Variants in CAPN14 observed in about 807,000 individuals in gnomAD.
The protein encoded by CAPN14 is calpain-14.
In CAPN14, 94 loss-of-function variants were observed where a neutral mutation model predicts 101.3. That is an observed-to-expected ratio of 0.93 (90% confidence interval 0.79 to 1.10). The LOEUF is 1.10. Ranked by LOEUF, CAPN14 falls within the 50% of genes least tolerant of loss-of-function variation. CAPN14 has a pLI of 0.00. For missense variants in CAPN14, 837 were observed against 828.4 expected (o/e 1.01, Z -0.13); for synonymous variants, 338 against 317.9 (o/e 1.06, Z -0.67).
At chr2:31,211,073 C>A (rs1232096072) in intron 1 of CAPN14, among the ~76,000 whole-genome samples, 1 of 151,876 alleles carries the variant, frequency 6.6e-6, no homozygotes, top group Non-Finnish European at 1.5e-5. Context: ...AGAGGAACAC[C>A]ATACTTTCTG....
At chr2:31,183,379 T>C (rs1256678106) in intron 16 of CAPN14, among the ~76,000 whole-genome samples, 3 of 152,288 alleles carry the variant, frequency 2.0e-5, no homozygotes, top group East Asian at 3.9e-4. Flanking sequence ...CAAAAGAAAC[T>C]GCCATCAGAG....
At chr2:31,185,408 T>C (rs373722109) in intron 16 of CAPN14, among the ~76,000 whole-genome samples, 41 of 152,340 alleles carry the variant, frequency 2.7e-4, no homozygotes, top group African/African-American at 8.4e-4. Context: ...TGCCAAAATC[T>C]ACAGTATTTC....
chr2:31,197,113 T>G, intron 8 of CAPN14, 136 bp downstream of exon 8: 1 of 598,736 alleles, frequency 1.7e-6, no homozygotes, highest in Non-Finnish European at 3.1e-6. Context: ...ATGTGAGGGA[T>G]TGAGCTTCCC....
chr2:31,200,885 T>C (rs1034568789), intron 5 of CAPN14, among the ~76,000 whole-genome samples: 9 of 152,170 alleles, frequency 5.9e-5, no homozygotes, highest in Admixed American at 5.9e-4. Context: ...AAATGGACCA[T>C]TCAGACGTTT....
chr2:31,214,388 T>C (rs933473420), intron 1 of CAPN14, among the ~76,000 whole-genome samples: 1 of 152,212 alleles, frequency 6.6e-6, no homozygotes. Flanking sequence ...CTCTTTAACA[T>C]CCTTCCCCTC....
chr2:31,195,472 G>C (rs1045216229), intron 8 of CAPN14, among the ~76,000 whole-genome samples: 6 of 152,166 alleles, frequency 3.9e-5, no homozygotes, highest in Admixed American at 6.5e-5. Context: ...AAACAGCTGG[G>C]ATTACAGGCA....
intron 21 of CAPN14, among the ~76,000 whole-genome samples, chr2:31,176,321 A>C (rs1484220693): frequency 5.3e-5 from 8 of 152,252 alleles, no homozygotes; most frequent in Admixed American, 3.9e-4. Context: ...TATGCTGCTG[A>C]AGTTTTGTAA....
intron 13 of CAPN14, among the ~76,000 whole-genome samples, 163 bp downstream of exon 13, chr2:31,189,110 G>A (rs1335691526): frequency 2.0e-5 from 3 of 152,200 alleles, no homozygotes; most frequent in African/African-American, 7.2e-5. Flanking sequence ...GAAGGAACGG[G>A]AGGGATGTTC....
intron 1 of CAPN14, among the ~76,000 whole-genome samples, chr2:31,215,362 T>C (rs74689346): frequency 0.011 from 1,638 of 152,208 alleles, 29 homozygotes; most frequent in African/African-American, 0.037. Flanking sequence ...TCTCCTCCTC[T>C]GATCCTGCAT....
Position 31,201,211 on chromosome 2 carries a change from ATG to A in CAPN14, c.552-588_552-587del, listed in dbSNP as rs199981544. Among the ~76,000 whole-genome samples, 302 of 143,726 alleles carry A rather than the reference ATG, an allele frequency of 2.1e-3. No individual in the cohort carries two copies. In the East Asian group the frequency reaches 0.026, roughly 12 times the overall value. 94.3% of individuals were successfully genotyped at this position (143,726 alleles called of 152,430 possible). On this transcript the variant is annotated intron_variant, in intron 5 of 21. Coordinates refer to ENST00000403897, the MANE Select transcript of CAPN14 (RefSeq NM_001145122.2). ...TGTGTGTGTGCATGTGTGTGTGTGC[ATG>A]TGTGTGTCTGTGTTTGCGTGTGTGT...
chr2:31,197,335 C>G lies in CAPN14; in HGVS notation c.790-1G>C. On this transcript the variant is annotated splice_acceptor_variant, in intron 7 of 21. Coordinates refer to ENST00000403897, the MANE Select transcript of CAPN14 (RefSeq NM_001145122.2). LOFTEE classifies it high-confidence loss of function. The stretch of plus-strand genomic sequence containing the variant: ...ATTCAGGTCTATGTTTGCAGGTCAC[C>G]TGCATAAAATGAGAGGCAGTTTAGG... 3.9e-6 allele frequency: 6 copies of G among 1,548,742 alleles called. No individual in the cohort carries two copies. The highest frequency in any genetic ancestry group is 4.4e-6 in the Non-Finnish European group (5 of 1,144,176).
At position 31,186,461 on chromosome 2, in the gene CAPN14, G is replaced by C. The variant is rs1257477051; in HGVS notation, c.1612C>G (p.Leu538Val). Reference sequence around the variant, plus strand: ...GTCATCTGGTTCAGGAGGTTCTGAAGTTGAACTGCATTAATCTCTGGATGC... The same window carrying C: ...GTCATCTGGTTCAGGAGGTTCTGAACTTGAACTGCATTAATCTCTGGATGC... ...EKHPEINAVQ[L>V]QNLLNQMTWS... is the part of the protein sequence containing the mutation. The change falls in exon 16 of 22, where the codon CTT becomes GTT. Residue 538 changes from leucine (L) to valine (V), a missense_variant. By Grantham distance (32) the Leu-to-Val change is conservative. Coordinates refer to ENST00000403897, the MANE Select transcript of CAPN14 (RefSeq NM_001145122.2). The C allele has an allele frequency of 6.5e-6, 10 of 1,549,780 alleles. No individual in the cohort carries two copies. Among genetic ancestry groups the C allele is most frequent in the Non-Finnish European group, 7.9e-6 (9 of 1,146,390 alleles).
chr2:31,210,955 C>T (rs1235395799), intron 1 of CAPN14, among the ~76,000 whole-genome samples: 3 of 152,042 alleles, frequency 2.0e-5, no homozygotes, highest in African/African-American at 7.2e-5. Flanking sequence ...GACAGTATTA[C>T]TAGAGTTTAA....
rs1007646370 is a variant in CAPN14 at position 31,230,965 on chromosome 2, A to G, written c.-177+2826T>C. On this transcript the variant is annotated intron_variant and NMD_transcript_variant, in intron 1 of 21. Coordinates refer to the CAPN14 transcript ENST00000398824. This position sits in a 1 kb window ranked among gnomAD's most constrained non-coding sequence, Gnocchi z 4.3. ...TGTCAGGCTTCCAAATTTCCTGGCT[A>G]TTTACTGTGTTGTTATTCTGTTGGT... 1.3e-5 allele frequency among the ~76,000 whole-genome samples: 2 copies of G among 152,092 alleles called. No homozygotes were observed. The highest frequency in any genetic ancestry group is 2.9e-5 in the Non-Finnish European group (2 of 68,028).
chr2:31,204,312 AT>A (rs1681958282), intron 2 of CAPN14, among the ~76,000 whole-genome samples: 1 of 152,218 alleles, frequency 6.6e-6, no homozygotes, highest in Non-Finnish European at 1.5e-5. Context: ...ATTGTGAAAT[AT>A]ATATTTGGTC....
chr2:31,203,595 G>C (rs188393364), intron 2 of CAPN14, among the ~76,000 whole-genome samples: 1 of 152,142 alleles, frequency 6.6e-6, no homozygotes, highest in Admixed American at 6.5e-5. Flanking sequence ...TCTCTGCTCC[G>C]TGGCAAGATT....
intron 16 of CAPN14, among the ~76,000 whole-genome samples, chr2:31,184,441 C>T (rs760665949): frequency 3.3e-5 from 5 of 152,220 alleles, no homozygotes; most frequent in Non-Finnish European, 7.3e-5. Context: ...CCTCAACACC[C>T]TTTTCTGAGC....
At chr2:31,195,426 T>G (rs1338188331) in intron 8 of CAPN14, among the ~76,000 whole-genome samples, 1 of 152,154 alleles carries the variant, frequency 6.6e-6, no homozygotes, top group Non-Finnish European at 1.5e-5. Context: ...AACCTCCGCC[T>G]CCCGGGTTCA....
At chr2:31,187,841 A>G (rs1680982142) in intron 14 of CAPN14, 27 bp from the exon 15 acceptor site, 22 of 1,532,878 alleles carry the variant, frequency 1.4e-5, no homozygotes, top group Admixed American at 3.9e-5. Flanking sequence ...ACAGAAAGAC[A>G]CAATTATTCA....
Sources: allele counts gnomAD v4.1 joint callset (sites outside exome capture counted in the v4.1 genomes callset), GRCh38; gene constraint gnomAD v4.1.1; non-coding constraint Gnocchi (gnomAD v3.1); transcripts MANE v1.5; gene names NCBI Gene and HGNC (gene_info 2026-07-23, HGNC 2026-07-21).